Variants in LRRFIP2 observed in about 807,000 individuals in gnomAD.
LRRFIP2 encodes the protein leucine-rich repeat flightless-interacting protein 2.
In LRRFIP2, 109 loss-of-function variants were observed where a neutral mutation model predicts 125.9. The observed-to-expected ratio is 0.87, with a 90% confidence interval of 0.74 to 1.01. The LOEUF (loss-of-function observed/expected upper bound fraction) is 1.01, where lower values mean the gene tolerates loss of function less well. Ranked by LOEUF, LRRFIP2 falls within the 50% of genes least tolerant of loss-of-function variation. LRRFIP2 has a pLI of 0.00. For synonymous variants in LRRFIP2, 291 were observed against 293.1 expected (o/e 0.99, Z 0.07); for missense variants, 850 against 862.3 (o/e 0.99, Z 0.18).
Position 37,052,896 on chromosome 3 carries a change from C to CTACA in LRRFIP2, c.*951_*954dup, listed in dbSNP as rs958484501. 1 of 152,210 alleles carries CTACA rather than the reference C, an allele frequency of 6.6e-6. No homozygotes were observed. Among genetic ancestry groups the CTACA allele is most frequent in the African/African-American group, 2.4e-5 (1 of 41,444 alleles). 9.4% of individuals were successfully genotyped at this position (152,210 alleles called of 1,614,324 possible). A position where few individuals can be genotyped will look rare whatever the true frequency, so the allele number is the denominator to read the frequency against. On this transcript the variant is annotated 3_prime_UTR_variant, in exon 28 of 28. Coordinates refer to ENST00000336686, the MANE Select transcript of LRRFIP2 (RefSeq NM_006309.4). ...GGTGAAACTCAAGTCTTTAAAAGTT[C>CTACA]TACATTCCAGATTGTTTTTCCTTGA...
intron 1 of LRRFIP2, among the ~76,000 whole-genome samples, chr3:37,156,362 A>G (rs2096192879): frequency 1.3e-5 from 2 of 151,874 alleles, no homozygotes; most frequent in Non-Finnish European, 2.9e-5. Context: ...TTGGGGAAAG[A>G]GTAACTGCTT....
At position 37,094,823 on chromosome 3, in the gene LRRFIP2, A is replaced by G. The variant is rs371530024; in HGVS notation, c.1004T>C (p.Ile335Thr). ...RRGSGDTSSL[I>T]DPDTSLSELR... ...TTCACTTAATGAAGTGTCTGGATCT[A>G]TTAAGCTGCTGGTGTCCCCACTTCC... is the stretch of plus-strand genomic sequence containing the variant. The change falls in exon 17 of 28, where the codon ATA becomes ACA. Residue 335 changes from isoleucine to threonine, a missense_variant. Transcript: ENST00000336686. The G allele has an allele frequency of 5.0e-5, 81 of 1,613,700 alleles. No individual in the cohort carries two copies. Among genetic ancestry groups the G allele is most frequent in the Middle Eastern group, 1.6e-4 (1 of 6,074 alleles).
intron 1 of LRRFIP2, among the ~76,000 whole-genome samples, chr3:37,169,486 G>C (rs1181513443): frequency 6.6e-6 from 1 of 151,996 alleles, no homozygotes; most frequent in African/African-American, 2.4e-5. Context: ...ACTTAACTGG[G>C]ATACTCACTT....
Position 37,053,917 on chromosome 3 carries a change from G to A in LRRFIP2, c.2100C>T (p.Asn700=). 1 of 1,614,090 alleles carries A rather than the reference G, an allele frequency of 6.2e-7. No homozygotes were observed. The highest frequency in any genetic ancestry group is 2.2e-5 in the East Asian group (1 of 44,886). ...TCTCCAGCCGCTTGGCCAGGTGGCT[G>A]TTGGTCATCTCCATCTCCTCAATCT... ...LDKIEEMEMT[N]SHLAKRLEKM... The change falls in exon 28 of 28, where the codon AAC becomes AAT. Residue 700 remains asparagine (N), a synonymous_variant. Coordinates refer to ENST00000336686, the MANE Select transcript of LRRFIP2 (RefSeq NM_006309.4).
At chr3:37,066,519 T>G (rs2090190863) in intron 21 of LRRFIP2, 194 bp from the exon 22 acceptor site, 1 of 549,746 alleles carries the variant, frequency 1.8e-6, no homozygotes, top group East Asian at 3.0e-5. Flanking sequence ...CAGAAGAGAC[T>G]TCTCATAGAA....
intron 1 of LRRFIP2, among the ~76,000 whole-genome samples, chr3:37,151,896 G>C (rs2096040535): frequency 6.6e-6 from 1 of 152,178 alleles, no homozygotes; most frequent in African/African-American, 2.4e-5. Flanking sequence ...TGAGCCACCA[G>C]GCCTGGCCGG....
Position 37,066,550 on chromosome 3 carries a change from T to A in LRRFIP2, c.1465-225A>T. 3 of 490,350 alleles carry A rather than the reference T, an allele frequency of 6.1e-6. No individual in the cohort carries two copies. In the South Asian group the frequency reaches 7.4e-5, roughly 12 times the overall value. The allele number at this position is 490,350 out of a possible 1,614,324, so 30.4% of individuals were successfully genotyped here. A position where few individuals can be genotyped will look rare whatever the true frequency, so the allele number is the denominator to read the frequency against. ...TAGAAACTGGTTCTCATGCATCAATTTGGCAAAACATGTTTAATCACATCA... is the reference window on the plus strand; with the variant it reads ...TAGAAACTGGTTCTCATGCATCAATATGGCAAAACATGTTTAATCACATCA... On this transcript the variant is annotated intron_variant, in intron 21 of 27. Coordinates refer to ENST00000336686, the MANE Select transcript of LRRFIP2 (RefSeq NM_006309.4).
chr3:37,108,507 C>T, intron 12 of LRRFIP2, 130 bp downstream of exon 12: 2 of 701,560 alleles, frequency 2.9e-6, no homozygotes, highest in Non-Finnish European at 4.7e-6. Flanking sequence ...GAGAGTAATT[C>T]CAGGTCAGAT....
In LRRFIP2 at chr3:37,091,538, C is replaced by G; in HGVS notation, c.1036G>C (p.Asp346His). 2 of 1,604,750 alleles carry G rather than the reference C, an allele frequency of 1.2e-6. No homozygotes were observed. Among genetic ancestry groups the G allele is most frequent in the Non-Finnish European group, 1.7e-6 (2 of 1,174,992 alleles). ...DPDTSLSELR[D>H]IYDLKDQIQD... ...ATCTGGTCCTTAAGGTCATAGATATCCTGCAGGACATAGGAATGAACCATT... is the reference window on the plus strand; with the variant it reads ...ATCTGGTCCTTAAGGTCATAGATATGCTGCAGGACATAGGAATGAACCATT... Residue 346 changes from aspartate (D) to histidine (H), a missense_variant and splice_region_variant, in exon 18 of 28, where the codon GAT becomes CAT. By Grantham distance (81) the Asp-to-His change is moderately conservative. Coordinates refer to ENST00000336686, the MANE Select transcript of LRRFIP2 (RefSeq NM_006309.4).
intron 22 of LRRFIP2, 37 bp from the exon 23 acceptor site, chr3:37,065,979 G>A (rs2302503): frequency 0.43 from 685,280 of 1,612,132 alleles, 151,160 homozygotes; most frequent in Non-Finnish European, 0.46. Flanking sequence ...CAAAAGGCCC[G>A]TATGGAAGCT....
intron 4 of LRRFIP2, among the ~76,000 whole-genome samples, chr3:37,127,245 T>G (rs561501671): frequency 1.4e-4 from 21 of 151,974 alleles, no homozygotes; most frequent in African/African-American, 4.8e-4. Flanking sequence ...GTTGATATAA[T>G]AAGAGTAATT....
chr3:37,062,886 G>A (rs149392267), intron 24 of LRRFIP2, among the ~76,000 whole-genome samples: 35 of 152,152 alleles, frequency 2.3e-4, no homozygotes, highest in African/African-American at 7.9e-4. Context: ...ATGAGACACC[G>A]GAAAAAGGGA....
chr3:37,113,094 T>A (rs1383595212), intron 7 of LRRFIP2, 114 bp from the exon 8 acceptor site: 1 of 546,132 alleles, frequency 1.8e-6, no homozygotes. Flanking sequence ...CACAATAGTT[T>A]ACATGCAATT....
intron 8 of LRRFIP2, among the ~76,000 whole-genome samples, 162 bp from the exon 9 acceptor site, chr3:37,111,227 C>T (rs2094535170): frequency 6.6e-6 from 1 of 152,134 alleles, no homozygotes; most frequent in East Asian, 1.9e-4. Context: ...GTCAAAGTGA[C>T]AATTATTTCA....
intron 7 of LRRFIP2, among the ~76,000 whole-genome samples, chr3:37,113,189 C>G (rs1169026601): frequency 6.6e-6 from 1 of 152,238 alleles, no homozygotes. Context: ...TCCTCCCTCA[C>G]CTCCCTCTGT....
chr3:37,149,374 G>A (rs960353982), intron 1 of LRRFIP2, among the ~76,000 whole-genome samples: 1 of 151,614 alleles, frequency 6.6e-6, no homozygotes, highest in African/African-American at 2.4e-5. Flanking sequence ...AAAATTAGCC[G>A]AGCAGGGTGG....
intron 18 of LRRFIP2, among the ~76,000 whole-genome samples, chr3:37,084,087 T>C (rs1485506153): frequency 6.6e-6 from 1 of 152,114 alleles, no homozygotes; most frequent in African/African-American, 2.4e-5. Flanking sequence ...CAACAACATA[T>C]ATCTGTAAGG....
At chr3:37,072,978 CTT>C (rs950184125) in intron 20 of LRRFIP2, 96 bp from the exon 21 acceptor site, 20 of 766,408 alleles carry the variant, frequency 2.6e-5, no homozygotes, top group Admixed American at 5.7e-5. Flanking sequence ...GATAAAGAAA[CTT>C]AACCAAAAGG....
chr3:37,112,882 G>A (rs779133047), intron 8 of LRRFIP2, 33 bp downstream of exon 8: 21 of 1,298,246 alleles, frequency 1.6e-5, no homozygotes, highest in East Asian at 7.1e-5. Context: ...ACAGTACTTC[G>A]TGAATTGTGA....
Sources: gnomAD v4.1 joint callset for allele counts (sites outside exome capture counted in the v4.1 genomes callset) on GRCh38, gnomAD v4.1.1 for gene constraint, MANE v1.5 for transcripts, NCBI Gene and HGNC (gene_info 2026-07-23, HGNC 2026-07-21) for gene names.